Variants in BRIX1 observed in about 807,000 individuals in gnomAD.
The protein encoded by BRIX1 is biogenesis of ribosomes BRX1.
Under a neutral mutation model 44.0 loss-of-function variants are expected in BRIX1, and 15 were observed. That is an observed-to-expected ratio of 0.34 (90% CI 0.23 to 0.53). The LOEUF (loss-of-function observed/expected upper bound fraction) is 0.53, where lower values mean the gene tolerates loss of function less well. Among genes scored for constraint, BRIX1 ranks in the 20% least tolerant of loss-of-function variants. The pLI is 0.95. For synonymous variants in BRIX1, 149 were observed against 135.4 expected (o/e 1.10, Z -0.70); for missense variants, 420 against 432.8 (o/e 0.97, Z 0.26).
intron 2 of BRIX1, among the ~76,000 whole-genome samples, chr5:34,919,569 T>G (rs996190766): frequency 6.6e-6 from 1 of 152,152 alleles, no homozygotes; most frequent in African/African-American, 2.4e-5. Context: ...TTGAAAAGGA[T>G]TCCTAGAATA....
At chr5:34,915,929 G>A (rs775193742) in intron 1 of BRIX1, 32 bp downstream of exon 1, 6 of 1,508,624 alleles carry the variant, frequency 4.0e-6, no homozygotes, top group Non-Finnish European at 5.3e-6. Context: ...CTACACCTGC[G>A]GCGGCGGCTC....
At chr5:34,925,179 GTTTATT>G (rs781197972) in intron 9 of BRIX1, 41 bp from the exon 10 acceptor site, 162 of 1,484,714 alleles carry the variant, frequency 1.1e-4, no homozygotes, top group Non-Finnish European at 7.9e-5. Context: ...TATATAAAAT[GTTTATT>G]TTTATTTCAA....
chr5:34,918,549 A>C, intron 2 of BRIX1, 74 bp downstream of exon 2: 1 of 852,572 alleles, frequency 1.2e-6, no homozygotes, highest in Non-Finnish European at 1.8e-6. Flanking sequence ...CTTATTTTAT[A>C]TATTCTTCAT....
At chr5:34,924,215 G>A (rs934057297) in intron 8 of BRIX1, among the ~76,000 whole-genome samples, 4 of 152,174 alleles carry the variant, frequency 2.6e-5, no homozygotes, top group African/African-American at 9.7e-5. Flanking sequence ...TGAAGAGGTG[G>A]AAGAGAACAG....
Position 34,915,820 on chromosome 5 carries a change from C to T in BRIX1, c.82C>T (p.Pro28Ser). ...AAAAAGAAACGAAATAGATGCGGAG[C>T]CGCCAGCTAAGCGGCACGCCACAGC... ...KPKRNEIDAE[P>S]PAKRHATAEE... Residue 28 changes from proline (P) to serine (S), a missense_variant, in exon 1 of 10, where the codon CCG becomes TCG. By Grantham distance (74) the Pro-to-Ser change is moderately conservative. Coordinates refer to ENST00000336767, the MANE Select transcript of BRIX1 (RefSeq NM_018321.4). The T allele has an allele frequency of 6.3e-7, 1 of 1,576,860 alleles. No homozygotes were observed. Among genetic ancestry groups the T allele is most frequent in the Non-Finnish European group, 8.6e-7 (1 of 1,161,426 alleles).
At chr5:34,920,055 C>A in intron 3 of BRIX1, 172 bp downstream of exon 3, 1 of 435,036 alleles carries the variant, frequency 2.3e-6, no homozygotes, top group East Asian at 4.0e-5. Context: ...CAGTTTAGTG[C>A]TTCATTCATT....
rs754008648 is a variant in BRIX1 at position 34,924,829 on chromosome 5, G to C, written c.664-18G>C. On this transcript the variant is annotated intron_variant, in intron 8 of 9. Coordinates refer to ENST00000336767, the MANE Select transcript of BRIX1 (RefSeq NM_018321.4). Reference sequence around the variant, plus strand: ...TAACGTAACCAAACCAAAATGAAATGTTTCCTTTTTATTAAAGATCATAGA... The same window carrying C: ...TAACGTAACCAAACCAAAATGAAATCTTTCCTTTTTATTAAAGATCATAGA... The C allele has an allele frequency of 3.8e-6, 6 of 1,571,218 alleles. No homozygotes were observed. Among genetic ancestry groups the C allele is most frequent in the Non-Finnish European group, 5.2e-6 (6 of 1,143,046 alleles).
intron 8 of BRIX1, 169 bp downstream of exon 8, chr5:34,923,403 G>A (rs1764284098): frequency 2.0e-5 from 12 of 600,404 alleles, no homozygotes; most frequent in Non-Finnish European, 3.5e-5. Flanking sequence ...TCAGTCTCCT[G>A]AGTAGCTGGG....
chr5:34,925,105 TTAC>T, intron 9 of BRIX1, 118 bp from the exon 10 acceptor site: 1 of 1,443,786 alleles, frequency 6.9e-7, no homozygotes, highest in South Asian at 1.5e-5. Context: ...AACTTGGAAA[TTAC>T]TCCCTTTTTT....
In BRIX1 at chr5:34,915,916, G is replaced by A; in HGVS notation, c.159+19G>A. 6.6e-7 allele frequency: 1 copy of A among 1,521,804 alleles called. No homozygotes were observed. The highest frequency in any genetic ancestry group is 8.8e-7 in the Non-Finnish European group (1 of 1,135,586). 94.3% of individuals were successfully genotyped at this position (1,521,804 alleles called of 1,614,324 possible). A position where few individuals can be genotyped will look rare whatever the true frequency, so the allele number is the denominator to read the frequency against. ...TTGCAAGGTAGGAGGGGATGTCCCCGGGCTACACCTGCGGCGGCGGCTCTG... is the reference window on the plus strand; with the variant it reads ...TTGCAAGGTAGGAGGGGATGTCCCCAGGCTACACCTGCGGCGGCGGCTCTG... On this transcript the variant is annotated intron_variant, in intron 1 of 9. Coordinates refer to ENST00000336767, the MANE Select transcript of BRIX1 (RefSeq NM_018321.4).
intron 8 of BRIX1, 52 bp from the exon 9 acceptor site, chr5:34,924,795 T>G: frequency 7.6e-7 from 1 of 1,319,920 alleles, no homozygotes; most frequent in Non-Finnish European, 1.1e-6. Flanking sequence ...CCAGTATACC[T>G]TTTGGGAATA....
At chr5:34,919,471 T>G (rs1375318365) in intron 2 of BRIX1, among the ~76,000 whole-genome samples, 1 of 152,136 alleles carries the variant, frequency 6.6e-6, no homozygotes, top group Non-Finnish European at 1.5e-5. Context: ...CAGTTTTCTT[T>G]GACACCTAAG....
intron 3 of BRIX1, 94 bp downstream of exon 3, chr5:34,919,977 T>C: frequency 1.8e-6 from 1 of 564,784 alleles, no homozygotes; most frequent in Non-Finnish European, 3.2e-6. Flanking sequence ...AAAAATTATT[T>C]TGTAAAAACT....
chr5:34,922,270 A>C lies in BRIX1; in HGVS notation c.369A>C (p.Lys123Asn). The C allele has an allele frequency of 6.3e-7, 1 of 1,587,850 alleles. No individual in the cohort carries two copies. Among genetic ancestry groups the C allele is most frequent in the African/African-American group, 1.3e-5 (1 of 74,342 alleles). Residue 123 changes from lysine (K) to asparagine (N), a missense_variant, in exon 4 of 10, where the codon AAA becomes AAC. By Grantham distance (94) the Lys-to-Asn change is moderately conservative (BLOSUM62 0). Coordinates refer to ENST00000336767, the MANE Select transcript of BRIX1 (RefSeq NM_018321.4). ...NKCIYFEAKK[K>N]QDLYMWLSNS... ...GCATCTATTTTGAAGCTAAGAAAAAACAGGATCTCTATATGTGGTAAGAGA... is the reference window on the plus strand; with the variant it reads ...GCATCTATTTTGAAGCTAAGAAAAACCAGGATCTCTATATGTGGTAAGAGA...
chr5:34,916,199 A>G (rs1469189989), intron 1 of BRIX1: 4 of 242,780 alleles, frequency 1.6e-5, no homozygotes, highest in Non-Finnish European at 3.2e-5. Context: ...TTTTTTTTTA[A>G]TGTTTTTGGA....
intron 7 of BRIX1, 41 bp downstream of exon 7, chr5:34,923,092 A>C (rs557077850): frequency 6.3e-7 from 1 of 1,577,020 alleles, no homozygotes; most frequent in Non-Finnish European, 8.7e-7. Context: ...TATACATGAT[A>C]TATCTTGGAA....
intron 6 of BRIX1, 33 bp from the exon 7 acceptor site, chr5:34,922,968 C>T (rs1449449314): frequency 5.6e-6 from 8 of 1,418,026 alleles, no homozygotes; most frequent in African/African-American, 4.3e-5. Context: ...AGGCAGTCTA[C>T]TGTTAAATAA....
intron 2 of BRIX1, among the ~76,000 whole-genome samples, chr5:34,919,632 A>G (rs1348362374): frequency 1.3e-5 from 2 of 152,214 alleles, no homozygotes; most frequent in African/African-American, 4.8e-5. Flanking sequence ...CTTACAGACT[A>G]TATTTTACTT....
At chr5:34,923,465 A>G (rs562667336) in intron 8 of BRIX1, 116 of 494,110 alleles carry the variant, frequency 2.3e-4, no homozygotes, top group African/African-American at 2.1e-3. Context: ...TTTAGTAGAG[A>G]CGGGGTTTCG....
Sources: allele counts gnomAD v4.1 joint callset (sites outside exome capture counted in the v4.1 genomes callset), GRCh38; gene constraint gnomAD v4.1.1; transcripts MANE v1.5; gene names NCBI Gene and HGNC (gene_info 2026-07-23, HGNC 2026-07-21).